Variants in SHPRH observed in about 807,000 individuals in gnomAD.
SHPRH encodes the protein E3 ubiquitin-protein ligase SHPRH.
A neutral mutation model predicts 202.5 loss-of-function variants in SHPRH; 106 were observed. That is an observed-to-expected ratio of 0.52 (90% CI 0.45 to 0.62). SHPRH has a LOEUF of 0.62. Among genes scored for constraint, SHPRH ranks in the 20% least tolerant of loss-of-function variants. The pLI, the probability that SHPRH is intolerant of heterozygous loss-of-function variation, is 0.00. For synonymous variants in SHPRH, 729 were observed against 686.0 expected (o/e 1.06, Z -0.98); for missense variants, 1,710 against 2,020.0 (o/e 0.85, Z 2.94).
intron 11 of SHPRH, among the ~76,000 whole-genome samples, chr6:145,938,723 A>T (rs1208088692): frequency 1.3e-5 from 2 of 152,152 alleles, no homozygotes; most frequent in African/African-American, 2.4e-5. Context: ...TAAGGACTTA[A>T]ATGTTTAAGG....
chr6:145,871,850 CAT>C (rs1458396548), intron 2 of SHPRH, among the ~76,000 whole-genome samples: 1 of 152,094 alleles, frequency 6.6e-6, no homozygotes, highest in Non-Finnish European at 1.5e-5. Context: ...AAAACAGAGA[CAT>C]AGACCAATGG....
intron 19 of SHPRH, 42 bp from the exon 20 acceptor site, chr6:145,922,390 C>A: frequency 6.5e-7 from 1 of 1,534,026 alleles, no homozygotes; most frequent in South Asian, 1.2e-5. Flanking sequence ...CAAACATAAC[C>A]AGCAATCTGG....
intron 2 of SHPRH, among the ~76,000 whole-genome samples, chr6:145,869,528 C>T (rs1779958369): frequency 6.6e-6 from 1 of 152,112 alleles, no homozygotes; most frequent in African/African-American, 2.4e-5. Context: ...GGGTATAGAT[C>T]CAGTGATTTG....
At chr6:145,873,743 G>T (rs1426550754) in intron 2 of SHPRH, among the ~76,000 whole-genome samples, 1 of 150,508 alleles carries the variant, frequency 6.6e-6, no homozygotes, top group Non-Finnish European at 1.5e-5. Context: ...GAGGGAGGGA[G>T]AGGATGAAGA....
chr6:145,864,440 G>A (rs966014100), exon 3 of SHPRH: 5 of 377,446 alleles, frequency 1.3e-5, no homozygotes, highest in South Asian at 6.9e-5. Flanking sequence ...ACCAGGGGTG[G>A]GAGAATGGGG....
At position 145,948,338 on chromosome 6, in the gene SHPRH, T is replaced by A. The variant is rs370265300; in HGVS notation, c.995A>T (p.His332Leu). ...RSSPATESAL[H>L]FLWREIVTSE... The stretch of plus-strand genomic sequence containing the variant: ...TGTAACAATCTCTCGCCATAAGAAG[T>A]GCAGGGCACTTTCTAAAGAAAAATA... Residue 332 changes from histidine (H) to leucine (L), a missense_variant, in exon 5 of 30, where the codon CAC becomes CTC. By Grantham distance (99) the His-to-Leu change is moderately conservative (BLOSUM62 -3). This residue lies in a region of SHPRH where 459 missense variants were observed against 426.5 expected (regional missense o/e 1.08). Transcript: ENST00000275233. 2.5e-6 allele frequency: 4 copies of A among 1,602,370 alleles called. No homozygotes were observed. Among genetic ancestry groups the A allele is most frequent in the Non-Finnish European group, 3.4e-6 (4 of 1,174,120 alleles).
In SHPRH at chr6:145,899,121, C is replaced by T. The variant is rs545219063; in HGVS notation, c.4516-4144G>A. On this transcript the variant is annotated intron_variant, in intron 25 of 29. Coordinates refer to ENST00000275233, the MANE Select transcript of SHPRH (RefSeq NM_001042683.3). Reference sequence around the variant, plus strand: ...GAGTCACTGCATCTGGCCGTAACTCCTTTTATTTATAAATTACCCAGCCTC... The same window carrying T: ...GAGTCACTGCATCTGGCCGTAACTCTTTTTATTTATAAATTACCCAGCCTC... Among the ~76,000 whole-genome samples the T allele has an allele frequency of 3.9e-4, 59 of 152,170 alleles. No individual in the cohort carries two copies. In the East Asian group the frequency reaches 7.7e-3, roughly 20 times the overall value.
intron 25 of SHPRH, among the ~76,000 whole-genome samples, chr6:145,896,868 A>G (rs1385638031): frequency 6.6e-6 from 1 of 152,078 alleles, no homozygotes; most frequent in Non-Finnish European, 1.5e-5. Context: ...GAAATACAAC[A>G]TAACAAAAGG....
At chr6:145,884,180 T>C (rs551857615), downstream of SHPRH, 1 of 152,304 alleles carries the variant, frequency 6.6e-6, no homozygotes, top group East Asian at 1.9e-4. Flanking sequence ...TAGTTGCATG[T>C]TGAATTATCA....
At position 145,886,689 on chromosome 6, in the gene SHPRH, G is replaced by C. The variant is rs367556619; in HGVS notation, c.*2C>G. On this transcript the variant is annotated 3_prime_UTR_variant, in exon 30 of 30. Transcript: ENST00000275233. ...AAGTCCATGGAATGAATCAAGTGTAGTTCATTCAAGCTCTTCAGTTTCTTT... is the reference window on the plus strand; with the variant it reads ...AAGTCCATGGAATGAATCAAGTGTACTTCATTCAAGCTCTTCAGTTTCTTT... 4 of 1,612,932 alleles carry C rather than the reference G, an allele frequency of 2.5e-6. No homozygotes were observed. In the African/African-American group the frequency reaches 5.3e-5, roughly 22 times the overall value.
Position 145,952,467 on chromosome 6 carries a change from A to G in SHPRH, c.645T>C (p.Tyr215=), listed in dbSNP as rs773620935. 5 of 1,605,016 alleles carry G rather than the reference A, an allele frequency of 3.1e-6. No homozygotes were observed. In the African/African-American group the frequency reaches 5.4e-5, roughly 17 times the overall value. The change falls in exon 3 of 30, where the codon TAT becomes TAC. Residue 215 remains tyrosine, a synonymous_variant. Transcript: ENST00000275233. ...GTTTTGCTAGGCCAGCTTCCAAAAG[A>G]TAAATTCCAACCTAAAAACAATTAA... ...EGNHIIKVGI[Y]LLEAGLAKLD...
In SHPRH at chr6:145,941,894, G is replaced by T. The variant is rs766792974; in HGVS notation, c.2239-20C>A. 6.2e-7 allele frequency: 1 copy of T among 1,608,638 alleles called. No homozygotes were observed. ...ATATACCTAGGAAATAATCAATACA[G>T]GCAGTTATTGCAAAAAGGCTCACTA... On this transcript the variant is annotated intron_variant, in intron 9 of 29. Coordinates refer to ENST00000275233, the MANE Select transcript of SHPRH (RefSeq NM_001042683.3).
At chr6:145,891,177 G>GTAA in intron 28 of SHPRH, among the ~76,000 whole-genome samples, 1 of 152,240 alleles carries the variant, frequency 6.6e-6, no homozygotes, top group Middle Eastern at 3.4e-3. Context: ...TGGGCCCAAT[G>GTAA]TAATCCCTCT....
At chr6:145,925,372 G>GCACACA (rs1784782637) in intron 16 of SHPRH, among the ~76,000 whole-genome samples, 1 of 61,736 alleles carries the variant, frequency 1.6e-5, no homozygotes, top group Admixed American at 1.9e-4. Flanking sequence ...ACACACACAT[G>GCACACA]CATGCAATAA....
chr6:145,869,690 T>A (rs1481569389), intron 2 of SHPRH, among the ~76,000 whole-genome samples: 1 of 152,168 alleles, frequency 6.6e-6, no homozygotes, highest in Non-Finnish European at 1.5e-5. Flanking sequence ...CTAGTTGTCC[T>A]TTCCTTTACA....
chr6:145,926,240 T>C lies in SHPRH; in HGVS notation c.3258A>G (p.Ile1086Met). 1 of 1,612,966 alleles carries C rather than the reference T, an allele frequency of 6.2e-7. No individual in the cohort carries two copies. The highest frequency in any genetic ancestry group is 8.5e-7 in the Non-Finnish European group (1 of 1,179,256). ...MELLIARHPG[I>M]PPTLRDGRLE... The stretch of plus-strand genomic sequence containing the variant: ...GTCGGCCATCACGCAAGGTAGGTGG[T>C]ATCCCTGGGTGCCTGGCTATCAACA... Residue 1086 changes from isoleucine to methionine, a missense_variant, in exon 16 of 30, where the codon ATA becomes ATG. Transcript: ENST00000275233.
chr6:145,924,771 C>G lies in SHPRH; in HGVS notation c.3370G>C (p.Val1124Leu). 1.9e-6 allele frequency: 3 copies of G among 1,611,760 alleles called. No individual in the cohort carries two copies. Among genetic ancestry groups the G allele is most frequent in the East Asian group, 4.5e-5 (2 of 44,808 alleles). Residue 1124 changes from valine (V) to leucine (L), a missense_variant, in exon 17 of 30, where the codon GTG becomes CTG. Physicochemically the swap from Val to Leu is conservative, Grantham distance 32 (BLOSUM62 1). This residue lies in a region of SHPRH where 288 missense variants were observed against 317.8 expected (regional missense o/e 0.91). Transcript: ENST00000275233. Reference protein sequence around the residue: ...VAEAQQALYPVQQTIHELQRK... With the variant: ...VAEAQQALYPLQQTIHELQRK... ...TGAAGCTCATGGATGGTCTGCTGCA[C>G]AGGATATAAAGCTTGCTGGGCTTCA...
At position 145,943,302 on chromosome 6, in the gene SHPRH, CTCA is replaced by C. The variant is rs1312558477; in HGVS notation, c.2076_2078del (p.Asp692del). The C allele has an allele frequency of 6.2e-7, 1 of 1,613,766 alleles. No individual in the cohort carries two copies. Among genetic ancestry groups the C allele is most frequent in the Non-Finnish European group, 8.5e-7 (1 of 1,179,900 alleles). ...AAAAAGGCTTGATCTTCAGATTTTT[CTCA>C]TCATAATTCACACACTTTGCATGTT... On this transcript the variant is annotated inframe_deletion, in exon 9 of 30. Transcript: ENST00000275233.
rs563822244 is a variant in SHPRH at position 145,936,209 on chromosome 6, G to A, written c.2570-768C>T. On this transcript the variant is annotated intron_variant, in intron 11 of 29. Transcript: ENST00000275233. ...ATTTGTGAGGACTTAATGAAAAACTGCTTTGGATATGAAGTGGAAAAAAAA... is the reference window on the plus strand; with the variant it reads ...ATTTGTGAGGACTTAATGAAAAACTACTTTGGATATGAAGTGGAAAAAAAA... Among the ~76,000 whole-genome samples, 4 of 151,622 alleles carry A rather than the reference G, an allele frequency of 2.6e-5. No homozygotes were observed. In the East Asian group the frequency reaches 7.7e-4, roughly 29 times the overall value.
Sources: allele counts gnomAD v4.1 joint callset (sites outside exome capture counted in the v4.1 genomes callset), GRCh38; gene constraint gnomAD v4.1.1; regional missense constraint gnomAD v4.1.1; transcripts MANE v1.5; gene names NCBI Gene and HGNC (gene_info 2026-07-23, HGNC 2026-07-21).